The following LRRTM4 variants were observed in gnomAD, a reference collection of about 807,000 sequenced individuals.
The protein encoded by LRRTM4 is leucine rich repeat transmembrane neuronal 4.
Under a neutral mutation model 47.6 loss-of-function variants are expected in LRRTM4, and 25 were observed. The observed-to-expected ratio is 0.53, with a 90% confidence interval of 0.38 to 0.73. The LOEUF is 0.73. LRRTM4 is among the 30% of genes least tolerant of loss of function. LRRTM4 has a pLI of 0.00. For missense variants in LRRTM4, 638 were observed against 713.4 expected (o/e 0.89, Z 1.20); for synonymous variants, 311 against 269.5 (o/e 1.15, Z -1.51).
At chr2:77,076,363 G>A (rs1240305387) in intron 3 of LRRTM4, among the ~76,000 whole-genome samples, 1 of 152,168 alleles carries the variant, frequency 6.6e-6, no homozygotes, top group Non-Finnish European at 1.5e-5. Context: ...ATCATCAAAT[G>A]AGTCCCTAAT....
chr2:77,281,625 T>C (rs1339997991), intron 3 of LRRTM4, among the ~76,000 whole-genome samples: 2 of 151,880 alleles, frequency 1.3e-5, no homozygotes, highest in African/African-American at 4.8e-5. Context: ...AATTTGCAGC[T>C]GTTCTCAACT....
chr2:77,353,958 C>A (rs1204445960), intron 3 of LRRTM4, among the ~76,000 whole-genome samples: 1 of 152,166 alleles, frequency 6.6e-6, no homozygotes, highest in Non-Finnish European at 1.5e-5. Context: ...ATCTGTAGAG[C>A]AGGGCTATTC....
At chr2:77,164,644 T>A (rs774958735) in intron 3 of LRRTM4, among the ~76,000 whole-genome samples, 1 of 152,060 alleles carries the variant, frequency 6.6e-6, no homozygotes, top group African/African-American at 2.4e-5. Flanking sequence ...AAACTAGAAC[T>A]CAGGATTAAG....
intron 3 of LRRTM4, among the ~76,000 whole-genome samples, chr2:76,773,542 A>G (rs931700124): frequency 6.6e-6 from 1 of 152,180 alleles, no homozygotes; most frequent in Non-Finnish European, 1.5e-5. Context: ...GATGTCATTT[A>G]TCATTCTAGA....
At chr2:77,102,261 T>C (rs548783763) in intron 3 of LRRTM4, among the ~76,000 whole-genome samples, 2 of 152,320 alleles carry the variant, frequency 1.3e-5, no homozygotes, top group African/African-American at 4.8e-5. Flanking sequence ...TCCACAGAAG[T>C]CTAAGCACCT....
chr2:77,471,379 C>A lies in LRRTM4; in HGVS notation c.1551+46939G>T, dbSNP rs796436588. Among the ~76,000 whole-genome samples, 8 of 152,244 alleles carry A rather than the reference C, an allele frequency of 5.3e-5. 1 individual carries two copies. The highest frequency in any genetic ancestry group is 1.9e-4 in the African/African-American group (8 of 41,562). On this transcript the variant is annotated intron_variant, in intron 3 of 3. Transcript: ENST00000409884. ...CTCTCAGTCAAACTATTATAATAAG[C>A]TCTGGAATAACAATAGCCTCCTAAA...
At chr2:77,246,781 C>T (rs1429397204) in intron 3 of LRRTM4, among the ~76,000 whole-genome samples, 1 of 151,614 alleles carries the variant, frequency 6.6e-6, no homozygotes, top group African/African-American at 2.4e-5. Context: ...TAATAATATG[C>T]CTATATATGC....
chr2:76,812,696 T>TTTCTTTCTTTCTTTCTTTCTTTC (rs370561225), intron 3 of LRRTM4, among the ~76,000 whole-genome samples: 5 of 96,550 alleles, frequency 5.2e-5, no homozygotes, highest in Admixed American at 1.2e-4. Flanking sequence ...TCTTTCTTTC[T>TTTCTTTCTTTCTTTCTTTCTTTC]TTTCTTTCTT....
rs553062981 is a variant in LRRTM4, at chr2:77,055,569, G to C, written c.1552-306653C>G. 5.6e-3 allele frequency among the ~76,000 whole-genome samples: 854 copies of C among 152,254 alleles called. 4 individuals are homozygous for C. The highest frequency in any genetic ancestry group is 0.034 in the Middle Eastern group (10 of 294). On this transcript the variant is annotated intron_variant, in intron 3 of 3. Coordinates refer to ENST00000409884, the MANE Select transcript of LRRTM4 (RefSeq NM_001134745.3). ...GTGCTGGAGAGGATGTGGAGAAATAGGAACACTTTTACACTGTTGGTAGGA... is the reference window on the plus strand; with the variant it reads ...GTGCTGGAGAGGATGTGGAGAAATACGAACACTTTTACACTGTTGGTAGGA...
chr2:77,051,756 A>T (rs1573503506), intron 3 of LRRTM4, among the ~76,000 whole-genome samples: 4 of 152,298 alleles, frequency 2.6e-5, no homozygotes, highest in African/African-American at 9.6e-5. Context: ...TAAAGACAAA[A>T]TTAATGATCA....
intron 3 of LRRTM4, among the ~76,000 whole-genome samples, chr2:77,013,380 A>G (rs1170251698): frequency 6.6e-6 from 1 of 152,178 alleles, no homozygotes; most frequent in East Asian, 1.9e-4. Flanking sequence ...AATGGATATT[A>G]CTGTGGAGCA....
intron 3 of LRRTM4, among the ~76,000 whole-genome samples, chr2:76,970,032 G>A (rs1259210137): frequency 2.0e-5 from 3 of 151,864 alleles, no homozygotes; most frequent in Admixed American, 6.6e-5. Flanking sequence ...ACTTATTTTA[G>A]GAAGATGAAA....
chr2:77,035,824 A>G (rs1678817870), intron 3 of LRRTM4, among the ~76,000 whole-genome samples: 1 of 151,756 alleles, frequency 6.6e-6, no homozygotes, highest in Admixed American at 6.6e-5. Context: ...AATGTTCCCT[A>G]GCTACTAAAT....
chr2:76,859,734 G>C (rs1672257906), intron 3 of LRRTM4, among the ~76,000 whole-genome samples: 1 of 152,036 alleles, frequency 6.6e-6, no homozygotes, highest in Non-Finnish European at 1.5e-5. Context: ...TCCATAAGCT[G>C]TTTACTAGAT....
chr2:77,368,837 T>G (rs370872931), intron 3 of LRRTM4, among the ~76,000 whole-genome samples: 9 of 151,732 alleles, frequency 5.9e-5, no homozygotes, highest in African/African-American at 1.9e-4. Context: ...GTGGTGATTT[T>G]GTTTCCTTTG....
intron 3 of LRRTM4, among the ~76,000 whole-genome samples, chr2:77,173,791 C>G (rs1389430186): frequency 6.6e-6 from 1 of 152,110 alleles, no homozygotes; most frequent in Non-Finnish European, 1.5e-5. Flanking sequence ...CCTGTTCCAT[C>G]AGCCCCTTCC....
chr2:77,162,697 C>T (rs1672764691), intron 3 of LRRTM4, among the ~76,000 whole-genome samples: 1 of 152,136 alleles, frequency 6.6e-6, no homozygotes. Flanking sequence ...ACTGGTGATA[C>T]CCAGGCAAAC....
At position 77,114,598 on chromosome 2, in the gene LRRTM4, G is replaced by C. The variant is rs530487204; in HGVS notation, c.1552-365682C>G. Among the ~76,000 whole-genome samples, 5 of 152,070 alleles carry C rather than the reference G, an allele frequency of 3.3e-5. No homozygotes were observed. The South Asian group carries it at 1.0e-3, about 32-fold the overall frequency. On this transcript the variant is annotated intron_variant, in intron 3 of 3. Coordinates refer to ENST00000409884, the MANE Select transcript of LRRTM4 (RefSeq NM_001134745.3). ...CATGTTGGCATGCCAGATATCAGGG[G>C]AACCAGCCCCCAATATTTCAACGTA...
chr2:77,066,365 T>C (rs981751980), intron 3 of LRRTM4, among the ~76,000 whole-genome samples: 4 of 152,168 alleles, frequency 2.6e-5, no homozygotes, highest in Non-Finnish European at 4.4e-5. Context: ...GTAGTAAACA[T>C]TGTAAAAACA....
Sources: allele counts gnomAD v4.1 joint callset (sites outside exome capture counted in the v4.1 genomes callset), GRCh38; gene constraint gnomAD v4.1.1; transcripts MANE v1.5; gene names NCBI Gene and HGNC (gene_info 2026-07-23, HGNC 2026-07-21).